The following GSTM5 variants were observed in gnomAD, a reference collection of about 807,000 sequenced individuals.
The protein encoded by GSTM5 is glutathione S-transferase mu 5, also known as GST class-mu 5.
GSTM5 carries 24 observed loss-of-function variants against 29.0 expected under a neutral mutation model. The ratio of observed to expected loss-of-function variants is 0.83; its 90% CI spans 0.60 to 1.16. The LOEUF (loss-of-function observed/expected upper bound fraction) is 1.16, where lower values mean the gene tolerates loss of function less well. Ranked by LOEUF, GSTM5 falls within the 50% of genes most tolerant of loss-of-function variation. The pLI, the probability that GSTM5 is intolerant of heterozygous loss-of-function variation, is 0.00. For missense variants in GSTM5, 290 were observed against 263.0 expected, an observed-to-expected ratio of 1.10 and a Z score of -0.71; for synonymous variants, 91 against 93.6, an observed-to-expected ratio of 0.97 and a Z score of 0.16.
chr1:109,712,498 G>T, intron 1 of GSTM5, 120 bp from the exon 2 acceptor site: 2 of 1,330,514 alleles, frequency 1.5e-6, no homozygotes, highest in South Asian at 2.4e-5. Context: ...TTGGGGGTGG[G>T]GGCGGGTAGA....
intron 1 of GSTM5, 82 bp downstream of exon 1, chr1:109,712,430 C>T (rs1205129034): frequency 4.0e-6 from 6 of 1,482,582 alleles, no homozygotes; most frequent in East Asian, 2.4e-5. Flanking sequence ...CTCTAGGGAC[C>T]GTTCCTCTTC....
chr1:109,714,875 A>T, intron 5 of GSTM5, 72 bp from the exon 6 acceptor site: 1 of 1,482,586 alleles, frequency 6.7e-7, no homozygotes, highest in Non-Finnish European at 9.4e-7. Context: ...TGGGCCATCT[A>T]CAGCCCTGGG....
intron 7 of GSTM5, 199 bp downstream of exon 7, chr1:109,715,439 T>C: frequency 6.5e-7 from 1 of 1,538,778 alleles, no homozygotes; most frequent in Non-Finnish European, 8.8e-7. Context: ...GACAGAATTA[T>C]CTTGCCCATT....
chr1:109,713,590 C>G (rs749403552), intron 4 of GSTM5, 25 bp downstream of exon 4: 62 of 1,613,818 alleles, frequency 3.8e-5, no homozygotes, highest in Admixed American at 3.2e-4. Context: ...CTGCAATGTG[C>G]GGGGGGAAGG....
rs1327742672 is a variant in GSTM5 at position 109,712,547 on chromosome 1, C to G, written c.37-71C>G. 3.2e-6 allele frequency: 5 copies of G among 1,556,396 alleles called. No individual in the cohort carries two copies. In the East Asian group the frequency reaches 1.1e-4, roughly 35 times the overall value. On this transcript the variant is annotated intron_variant, in intron 1 of 7. Coordinates refer to ENST00000256593, the MANE Select transcript of GSTM5 (RefSeq NM_000851.4). ...ACGTGCAGTATAGACTAGGGGCTGG[C>G]CTGGTGCAGAGAAAGTCACCAAGTC...
rs1648785600 is a variant in GSTM5 at position 109,717,349 on chromosome 1, A to C, written c.580A>C (p.Ile194Leu). ...TTCCCGCCCTCAGGGTTTGAAGAAG[A>C]TCTCTGCCTACATGAAGTCCAGCCA... Reference protein sequence around the residue: ...FISRFEGLKKISAYMKSSQFL... With the variant: ...FISRFEGLKKLSAYMKSSQFL... The change falls in exon 8 of 8, where the codon ATC becomes CTC. Residue 194 changes from isoleucine (I) to leucine (L), a missense_variant. Ile to Leu is a conservative substitution (Grantham distance 5, BLOSUM62 2). Coordinates refer to ENST00000256593, the MANE Select transcript of GSTM5 (RefSeq NM_000851.4). The C allele has an allele frequency of 6.2e-7, 1 of 1,613,592 alleles. No individual in the cohort carries two copies. Among genetic ancestry groups the C allele is most frequent in the Admixed American group, 1.7e-5 (1 of 59,994 alleles).
chr1:109,713,081 C>A (rs748184410), intron 2 of GSTM5, 38 bp from the exon 3 acceptor site: 4 of 1,610,944 alleles, frequency 2.5e-6, no homozygotes, highest in Non-Finnish European at 3.4e-6. Context: ...GAGGGCTGGG[C>A]TCTGGGGAGG....
intron 3 of GSTM5, 41 bp downstream of exon 3, chr1:109,713,224 C>T (rs759744551): frequency 3.9e-5 from 63 of 1,609,494 alleles, no homozygotes; most frequent in Middle Eastern, 4.4e-4. Flanking sequence ...GAAAGTGCGA[C>T]GTGTCTCTGA....
chr1:109,716,256 TC>T (rs1336426134), intron 7 of GSTM5: 1 of 202,046 alleles, frequency 4.9e-6, no homozygotes, highest in African/African-American at 2.4e-5. Flanking sequence ...AGAATCTGTT[TC>T]CCTTTCCCAC....
Position 109,717,115 on chromosome 1 carries a change from C to T in GSTM5, c.568-222C>T. The T allele has an allele frequency of 6.7e-6, 3 of 445,590 alleles. No individual in the cohort carries two copies. The South Asian group carries it at 7.6e-5, about 11-fold the overall frequency. The allele number at this position is 445,590 out of a possible 1,614,324, so 27.6% of individuals were successfully genotyped here. The stretch of plus-strand genomic sequence containing the variant: ...ATAAAGCACCCAGCACAGTGTAGAT[C>T]TTTCGTAAATGGTAGCTGTTATTAT... On this transcript the variant is annotated intron_variant, in intron 7 of 7. Coordinates refer to ENST00000256593, the MANE Select transcript of GSTM5 (RefSeq NM_000851.4).
upstream of GSTM5, among the ~76,000 whole-genome samples, chr1:109,711,871 T>C (rs12756544): frequency 0.082 from 11,246 of 137,338 alleles, 604 homozygotes; most frequent in African/African-American, 0.17. Context: ...AGCCGGAGTC[T>C]CCCAGAGCCC....
At chr1:109,714,312 A>C (rs373401404) in intron 5 of GSTM5, 2 of 159,498 alleles carry the variant, frequency 1.3e-5, no homozygotes, top group Admixed American at 1.2e-4. Context: ...CATTTCTGTC[A>C]GTTGATTTAT....
intron 7 of GSTM5, 28 bp from the exon 8 acceptor site, chr1:109,717,309 G>T (rs768400184): frequency 1.8e-4 from 291 of 1,575,460 alleles, no homozygotes; most frequent in Non-Finnish European, 2.0e-5. Flanking sequence ...CAGCAGACCT[G>T]GCTCTGGCCC....
upstream of GSTM5, chr1:109,712,193 G>A (rs1362393428): frequency 2.8e-6 from 3 of 1,073,934 alleles, no homozygotes; most frequent in Middle Eastern, 2.0e-4. Flanking sequence ...CGTGTTTCGG[G>A]GTTGTGGCGG....
At chr1:109,717,234 G>A (rs757567968) in intron 7 of GSTM5, 103 bp from the exon 8 acceptor site, 8 of 811,958 alleles carry the variant, frequency 9.9e-6, no homozygotes, top group Non-Finnish European at 1.7e-5. Context: ...GAGCCCACAT[G>A]GAAAGGCTGT....
At chr1:109,715,905 C>CT (rs1211019024) in intron 7 of GSTM5, 23 of 726,080 alleles carry the variant, frequency 3.2e-5, no homozygotes, top group Admixed American at 1.2e-4. Flanking sequence ...TTCTTCCTCT[C>CT]TTTTTTTCCC....
At chr1:109,712,499 G>C (rs911211735) in intron 1 of GSTM5, 119 bp from the exon 2 acceptor site, 1 of 1,327,830 alleles carries the variant, frequency 7.5e-7, no homozygotes, top group African/African-American at 1.4e-5. Context: ...TGGGGGTGGG[G>C]GCGGGTAGAG....
Position 109,713,717 on chromosome 1 carries a change from G to T in GSTM5, c.316G>T (p.Asp106Tyr), listed in dbSNP as rs1418134597. The T allele has an allele frequency of 1.2e-6, 2 of 1,612,906 alleles. No homozygotes were observed. Among genetic ancestry groups the T allele is most frequent in the Non-Finnish European group, 1.7e-6 (2 of 1,179,854 alleles). The change falls in exon 5 of 8, where the codon GAT (aspartate) becomes TAT (tyrosine). Residue 106 changes from aspartate (D) to tyrosine (Y), a missense_variant. By Grantham distance (160) the Asp-to-Tyr change is radical (BLOSUM62 -3). Coordinates refer to ENST00000256593, the MANE Select transcript of GSTM5 (RefSeq NM_000851.4). ...GGACATTTTGGAGAACCAGGTTATG[G>T]ATAACCACATGGAGCTGGTCAGACT... ...RVDILENQVMDNHMELVRLCY... is the reference protein window; with the variant it reads ...RVDILENQVMYNHMELVRLCY...
chr1:109,714,747 C>T (rs1648683401), intron 5 of GSTM5, 200 bp from the exon 6 acceptor site: 4 of 624,808 alleles, frequency 6.4e-6, no homozygotes, highest in Admixed American at 2.9e-5. Flanking sequence ...ATTCTGATCA[C>T]TTCAGATAGG....
Sources: allele counts gnomAD v4.1 joint callset (sites outside exome capture counted in the v4.1 genomes callset), GRCh38; gene constraint gnomAD v4.1.1; transcripts MANE v1.5; gene names NCBI Gene and HGNC (gene_info 2026-07-23, HGNC 2026-07-21).